Variants in ACAT1 observed in about 807,000 individuals in gnomAD.
ACAT1 encodes acetyl-CoA acetyltransferase 1, also known as acetyl-CoA acetyltransferase, mitochondrial.
ACAT1 carries 28 observed loss-of-function variants against 47.3 expected under a neutral mutation model. That is an observed-to-expected ratio of 0.59 (90% CI 0.44 to 0.81). ACAT1 has a LOEUF of 0.81. Among genes scored for constraint, ACAT1 ranks in the 30% least tolerant of loss-of-function variants. ACAT1 has a pLI of 0.00. For synonymous variants in ACAT1, 181 were observed against 173.6 expected (o/e 1.04, Z -0.34); for missense variants, 469 against 524.3 (o/e 0.89, Z 1.03).
At chr11:108,128,452 G>A (rs929779975) in intron 1 of ACAT1, among the ~76,000 whole-genome samples, 3 of 152,156 alleles carry the variant, frequency 2.0e-5, no homozygotes, top group Non-Finnish European at 4.4e-5. Flanking sequence ...TTAGCCGGGC[G>A]TGGTGGCGCA....
chr11:108,143,966 CCCCT>C lies in ACAT1; in HGVS notation c.941-16_941-13del. On this transcript the variant is annotated splice_polypyrimidine_tract_variant and intron_variant, in intron 9 of 11. Transcript: ENST00000265838. ...AAAAAAGATTTTAACAACCCCCCCC[CCCCT>C]TTTTTTAAACAGCATTTGCTGACGC... 2.7e-6 allele frequency: 3 copies of C among 1,113,610 alleles called. No homozygotes were observed. The highest frequency in any genetic ancestry group is 3.9e-6 in the Non-Finnish European group (3 of 772,164). 69.0% of individuals were successfully genotyped at this position (1,113,610 alleles called of 1,614,324 possible).
At chr11:108,121,232 C>T (rs1337752429), upstream of ACAT1, 2 of 322,610 alleles carry the variant, frequency 6.2e-6, no homozygotes, top group African/African-American at 4.4e-5. Flanking sequence ...AAAATATTTT[C>T]ATGAGTTTGT....
At chr11:108,135,412 T>C (rs892485165) in intron 5 of ACAT1, among the ~76,000 whole-genome samples, 170 bp downstream of exon 5, 3 of 152,072 alleles carry the variant, frequency 2.0e-5, no homozygotes, top group Admixed American at 6.6e-5. Context: ...TGAAGTATGG[T>C]CAAAATGATA....
chr11:108,122,153 AT>A (rs1470228736), intron 1 of ACAT1, among the ~76,000 whole-genome samples: 2 of 152,248 alleles, frequency 1.3e-5, no homozygotes, highest in Non-Finnish European at 2.9e-5. Context: ...CCATGTGATC[AT>A]AACAGATGTT....
At chr11:108,120,582 C>A (rs569523108), upstream of ACAT1, among the ~76,000 whole-genome samples, 1 of 152,084 alleles carries the variant, frequency 6.6e-6, no homozygotes, top group African/African-American at 2.4e-5. Context: ...CCTAAAATAA[C>A]AACCATTTGT....
chr11:108,143,989 C>T lies in ACAT1; in HGVS notation c.947C>T (p.Ala316Val), dbSNP rs371656619. 2 of 539,216 alleles carry T rather than the reference C, an allele frequency of 3.7e-6. No homozygotes were observed. Among genetic ancestry groups the T allele is most frequent in the Non-Finnish European group, 7.1e-6 (2 of 283,316 alleles). 33.4% of individuals were successfully genotyped at this position (539,216 alleles called of 1,614,324 possible). A position where few individuals can be genotyped will look rare whatever the true frequency, so the allele number is the denominator to read the frequency against. Reference protein sequence around the residue: ...VTPLARIVAFADAAVEPIDFP... With the variant: ...VTPLARIVAFVDAAVEPIDFP... ...CCCCCCTTTTTTTAAACAGCATTTGCTGACGCTGCTGTAGAACCTATTGAT... is the reference window on the plus strand; with the variant it reads ...CCCCCCTTTTTTTAAACAGCATTTGTTGACGCTGCTGTAGAACCTATTGAT... The change falls in exon 10 of 12, where the codon GCT becomes GTT. Residue 316 changes from alanine (A) to valine (V), a missense_variant. Ala to Val is a moderately conservative substitution (Grantham distance 64, BLOSUM62 0). Coordinates refer to ENST00000265838, the MANE Select transcript of ACAT1 (RefSeq NM_000019.4).
At chr11:108,126,579 G>A (rs1436056745) in intron 1 of ACAT1, among the ~76,000 whole-genome samples, 1 of 152,116 alleles carries the variant, frequency 6.6e-6, no homozygotes, top group African/African-American at 2.4e-5. Context: ...GAGGTGTCAG[G>A]GGAGGCAGGG....
chr11:108,144,179 T>C (rs2077652036), intron 10 of ACAT1, 132 bp downstream of exon 10: 6 of 994,224 alleles, frequency 6.0e-6, no homozygotes, highest in South Asian at 1.4e-5. Flanking sequence ...TCTTCCCATG[T>C]CTTCTCCTGA....
intron 7 of ACAT1, among the ~76,000 whole-genome samples, 154 bp downstream of exon 7, chr11:108,140,369 A>G (rs767463963): frequency 6.6e-6 from 1 of 152,250 alleles, no homozygotes; most frequent in East Asian, 1.9e-4. Context: ...ATATAAATCT[A>G]CCCAACTTAA....
upstream of ACAT1, chr11:108,121,432 G>T: frequency 1.4e-6 from 1 of 714,038 alleles, no homozygotes; most frequent in Non-Finnish European, 2.4e-6. Context: ...AGGCTGCGGT[G>T]TCCCAGCGCC....
At chr11:108,124,716 A>G (rs1274076730) in intron 1 of ACAT1, among the ~76,000 whole-genome samples, 2 of 152,102 alleles carry the variant, frequency 1.3e-5, no homozygotes, top group Non-Finnish European at 2.9e-5. Flanking sequence ...GCTGGGCCCT[A>G]CTTAGTTCTG....
intron 4 of ACAT1, 106 bp downstream of exon 4, chr11:108,134,422 A>T: frequency 1.2e-6 from 1 of 810,456 alleles, no homozygotes. Context: ...AGGCAGGCGG[A>T]TCACGAGGTC....
chr11:108,134,443 G>C lies in ACAT1; in HGVS notation c.334+127G>C, dbSNP rs970665004. 8 of 669,368 alleles carry C rather than the reference G, an allele frequency of 1.2e-5. No homozygotes were observed. The Admixed American group carries it at 1.5e-4, about 12-fold the overall frequency. 41.5% of individuals were successfully genotyped at this position (669,368 alleles called of 1,614,324 possible). A position where few individuals can be genotyped will look rare whatever the true frequency, so the allele number is the denominator to read the frequency against. ...GCGGATCACGAGGTCAAGAGATGGA[G>C]ACCATCCTGGCCAACATGGTGAAAC... is the stretch of plus-strand genomic sequence containing the variant. On this transcript the variant is annotated intron_variant, in intron 4 of 11. Coordinates refer to ENST00000265838, the MANE Select transcript of ACAT1 (RefSeq NM_000019.4).
chr11:108,139,983 A>G (rs2077554569), intron 6 of ACAT1, 82 bp from the exon 7 acceptor site: 2 of 1,483,910 alleles, frequency 1.3e-6, no homozygotes, highest in Non-Finnish European at 1.8e-6. Context: ...GTTAACTATT[A>G]AACACTATAA....
At chr11:108,146,643 GTGGGTTTTGGTTACA>G (rs2077716104) in intron 11 of ACAT1, among the ~76,000 whole-genome samples, 1 of 152,098 alleles carries the variant, frequency 6.6e-6, no homozygotes, top group Non-Finnish European at 1.5e-5. Flanking sequence ...TTAGGGTACC[GTGGGTTTTGGTTACA>G]TGGATGAATT....
intron 1 of ACAT1, among the ~76,000 whole-genome samples, chr11:108,122,463 T>C (rs1353868953): frequency 6.6e-6 from 1 of 152,216 alleles, no homozygotes; most frequent in African/African-American, 2.4e-5. Flanking sequence ...GCAATAAGCT[T>C]GGAGATCCAG....
At chr11:108,131,866 A>G (rs1314225621) in intron 1 of ACAT1, 41 bp from the exon 2 acceptor site, 3 of 945,638 alleles carry the variant, frequency 3.2e-6, no homozygotes, top group Non-Finnish European at 4.6e-6. Flanking sequence ...ATATAGTTTA[A>G]TATTTTTTAC....
chr11:108,117,892 A>G (rs2135275907), upstream of ACAT1, among the ~76,000 whole-genome samples: 1 of 152,298 alleles, frequency 6.6e-6, no homozygotes, highest in African/African-American at 2.4e-5. Context: ...GACATTTCAG[A>G]GGGCTTTATT....
intron 5 of ACAT1, among the ~76,000 whole-genome samples, chr11:108,137,370 G>A (rs1467432877): frequency 3.3e-5 from 5 of 151,986 alleles, no homozygotes; most frequent in Non-Finnish European, 5.9e-5. Context: ...GGGGAGAGAA[G>A]GGATACTGTA....
Sources: gnomAD v4.1 joint callset for allele counts (sites outside exome capture counted in the v4.1 genomes callset) on GRCh38, gnomAD v4.1.1 for gene constraint, MANE v1.5 for transcripts, NCBI Gene and HGNC (gene_info 2026-07-23, HGNC 2026-07-21) for gene names.